Variants in GCM1 observed in about 807,000 individuals in gnomAD.
GCM1 encodes the protein GCM transcription factor 1.
GCM1 carries 2 observed loss-of-function variants against 25.7 expected under a neutral mutation model. The observed-to-expected ratio is 0.08, with a 90% CI of 0.03 to 0.24. The LOEUF (loss-of-function observed/expected upper bound fraction) is 0.24, where lower values mean the gene tolerates loss of function less well. GCM1 is among the 10% of genes least tolerant of loss of function. GCM1 has a pLI of 1.00. For synonymous variants in GCM1, 183 were observed against 195.7 expected (o/e 0.94, Z 0.54); for missense variants, 395 against 538.7 (o/e 0.73, Z 2.64).
intron 1 of GCM1, among the ~76,000 whole-genome samples, chr6:53,146,651 G>C (rs1444289352): frequency 1.3e-5 from 2 of 152,076 alleles, no homozygotes; most frequent in African/African-American, 4.8e-5. Context: ...TCTGAAACAG[G>C]GTTTCTTAAG....
chr6:53,138,355 T>G (rs1763829655), intron 2 of GCM1, among the ~76,000 whole-genome samples: 2 of 149,686 alleles, frequency 1.3e-5, no homozygotes, highest in Non-Finnish European at 3.0e-5. Context: ...GTAAATATAC[T>G]CACATCAAGC....
rs1208654533 is a variant in GCM1, at chr6:53,135,447, A to C, written c.76-1123T>G. Among the ~76,000 whole-genome samples the C allele has an allele frequency of 2.0e-5, 3 of 152,342 alleles. No homozygotes were observed. In the East Asian group the frequency reaches 5.8e-4, roughly 29 times the overall value. On this transcript the variant is annotated intron_variant, in intron 2 of 5. Transcript: ENST00000259803. ...CCTGAAGAGTTGTTCTGAAGATTAA[A>C]TATGATTATATATATTAAATACTTA...
intron 2 of GCM1, among the ~76,000 whole-genome samples, chr6:53,143,510 T>C (rs1763909884): frequency 6.6e-6 from 1 of 152,210 alleles, no homozygotes; most frequent in South Asian, 2.1e-4. Context: ...TCTACATATC[T>C]GTTTACTTCA....
At chr6:53,148,372 T>G (rs1014752107) in intron 1 of GCM1, among the ~76,000 whole-genome samples, 2 of 152,254 alleles carry the variant, frequency 1.3e-5, no homozygotes, top group African/African-American at 2.4e-5. Context: ...GACATAATTA[T>G]TTTGTTTTTA....
intron 2 of GCM1, 96 bp from the exon 3 acceptor site, chr6:53,134,420 T>C (rs530112358): frequency 1.6e-6 from 2 of 1,225,306 alleles, no homozygotes; most frequent in East Asian, 2.3e-5. Context: ...GTTTTGGCAT[T>C]CAGGAGCTGG....
At chr6:53,142,646 T>A (rs1217467917) in intron 2 of GCM1, among the ~76,000 whole-genome samples, 2 of 152,124 alleles carry the variant, frequency 1.3e-5, no homozygotes, top group Non-Finnish European at 2.9e-5. Context: ...AATCAATTTC[T>A]CCAGGCTCAC....
intron 2 of GCM1, among the ~76,000 whole-genome samples, chr6:53,138,521 T>G (rs1450393346): frequency 6.6e-6 from 1 of 152,174 alleles, no homozygotes; most frequent in Admixed American, 6.5e-5. Flanking sequence ...TGAAACCTGT[T>G]AAACCAAGAC....
intron 2 of GCM1, among the ~76,000 whole-genome samples, chr6:53,143,393 A>G (rs1472673509): frequency 6.6e-6 from 1 of 152,194 alleles, no homozygotes; most frequent in Admixed American, 6.5e-5. Context: ...CTGATGAAGA[A>G]TCCTGTCCCA....
intron 1 of GCM1, among the ~76,000 whole-genome samples, chr6:53,147,074 A>G (rs1239904145): frequency 1.3e-5 from 2 of 152,150 alleles, no homozygotes; most frequent in Non-Finnish European, 2.9e-5. Context: ...TAAATAAATG[A>G]ATGAATAAAT....
chr6:53,136,877 G>A (rs991025657), intron 2 of GCM1, among the ~76,000 whole-genome samples: 48 of 152,086 alleles, frequency 3.2e-4, no homozygotes, highest in African/African-American at 2.2e-4. Context: ...TTGGGAGGCC[G>A]AGACAGGAGA....
At chr6:53,138,531 C>T (rs1763832291) in intron 2 of GCM1, among the ~76,000 whole-genome samples, 1 of 152,098 alleles carries the variant, frequency 6.6e-6, no homozygotes, top group African/African-American at 2.4e-5. Context: ...TAAACCAAGA[C>T]CTCAGAGAAG....
chr6:53,139,398 A>G (rs1763842426), intron 2 of GCM1, among the ~76,000 whole-genome samples: 2 of 150,046 alleles, frequency 1.3e-5, no homozygotes, highest in Admixed American at 6.7e-5. Context: ...ATGGTGGGGA[A>G]TGTCTGTAAT....
At chr6:53,132,961 G>T (rs1763746187) in intron 3 of GCM1, among the ~76,000 whole-genome samples, 1 of 152,142 alleles carries the variant, frequency 6.6e-6, no homozygotes, top group South Asian at 2.1e-4. Flanking sequence ...ATGTGTTTTA[G>T]AAAATGAACA....
intron 2 of GCM1, among the ~76,000 whole-genome samples, chr6:53,142,198 A>T (rs1382510003): frequency 6.6e-6 from 1 of 152,040 alleles, no homozygotes; most frequent in Non-Finnish European, 1.5e-5. Context: ...ACTATAAATG[A>T]TCTAGATCGA....
intron 2 of GCM1, among the ~76,000 whole-genome samples, chr6:53,141,314 A>T (rs901745920): frequency 7.2e-5 from 11 of 152,156 alleles, no homozygotes; most frequent in African/African-American, 2.7e-4. Context: ...TAACCCATAA[A>T]CCTTGATGTA....
At chr6:53,132,764 G>C (rs1018361877) in intron 3 of GCM1, among the ~76,000 whole-genome samples, 1 of 152,104 alleles carries the variant, frequency 6.6e-6, no homozygotes, top group African/African-American at 2.4e-5. Context: ...AAGGGTCAAG[G>C]GGCCAAGCTA....
chr6:53,130,612 C>T (rs767701663), intron 5 of GCM1, among the ~76,000 whole-genome samples, 191 bp downstream of exon 5: 8 of 152,168 alleles, frequency 5.3e-5, no homozygotes, highest in Non-Finnish European at 1.0e-4. Context: ...TCCCAGCATG[C>T]TACAAAGATG....
chr6:53,146,710 C>A (rs1039639989), intron 1 of GCM1, among the ~76,000 whole-genome samples: 4 of 152,072 alleles, frequency 2.6e-5, no homozygotes, highest in Non-Finnish European at 1.5e-5. Context: ...TTGTGGGGAG[C>A]TTTTTTCATG....
In GCM1 at chr6:53,145,625, G is replaced by C; in HGVS notation, c.8C>G (p.Pro3Arg). 6.3e-7 allele frequency: 1 copy of C among 1,594,200 alleles called. No homozygotes were observed. Among genetic ancestry groups the C allele is most frequent in the East Asian group, 2.2e-5 (1 of 44,778 alleles). The change falls in exon 2 of 6, where the codon CCT (proline) becomes CGT (arginine). Residue 3 changes from proline (P) to arginine (R), a missense_variant. Coordinates refer to ENST00000259803, the MANE Select transcript of GCM1 (RefSeq NM_003643.4). Reference sequence around the variant, plus strand: ...TTTGTCTTCAGAATCAAAGTCGTCAGGTTCCATGATAAGGTCAGGCCAGCC... The same window carrying C: ...TTTGTCTTCAGAATCAAAGTCGTCACGTTCCATGATAAGGTCAGGCCAGCC... MEPDDFDSEDKEI... is the reference protein window; with the variant it reads MERDDFDSEDKEI...
Sources: allele counts gnomAD v4.1 joint callset (sites outside exome capture counted in the v4.1 genomes callset), GRCh38; gene constraint gnomAD v4.1.1; transcripts MANE v1.5; gene names NCBI Gene and HGNC (gene_info 2026-07-23, HGNC 2026-07-21).